The following ADCY2 variants were observed in gnomAD, a reference collection of about 807,000 sequenced individuals.
ADCY2 encodes adenylate cyclase 2, also known as adenylate cyclase type 2.
In ADCY2, 31 loss-of-function variants were observed where a neutral mutation model predicts 125.2. The observed-to-expected ratio is 0.25, with a 90% CI of 0.19 to 0.33. The LOEUF (loss-of-function observed/expected upper bound fraction) is 0.33, where lower values mean the gene tolerates loss of function less well. ADCY2 is among the 10% of genes least tolerant of loss of function. ADCY2 has a pLI of 1.00. For synonymous variants in ADCY2, 512 were observed against 548.4 expected, an observed-to-expected ratio of 0.93 and a Z score of 0.93; for missense variants, 904 against 1,418.2, an observed-to-expected ratio of 0.64 and a Z score of 5.82.
At chr5:7,740,258 A>T (rs953868247) in intron 14 of ADCY2, among the ~76,000 whole-genome samples, 4 of 151,870 alleles carry the variant, frequency 2.6e-5, no homozygotes, top group Non-Finnish European at 4.4e-5. Flanking sequence ...TTCAGCATTT[A>T]AAAAAAAGAT....
chr5:7,667,238 G>A (rs1366369892), intron 4 of ADCY2, among the ~76,000 whole-genome samples: 4 of 152,064 alleles, frequency 2.6e-5, no homozygotes, highest in East Asian at 1.9e-4. Context: ...TAGGTGTCTC[G>A]GCGGGGATGA....
At chr5:7,538,141 T>C (rs1027208259) in intron 3 of ADCY2, among the ~76,000 whole-genome samples, 4 of 152,202 alleles carry the variant, frequency 2.6e-5, no homozygotes, top group African/African-American at 9.6e-5. Flanking sequence ...CAGATACTGC[T>C]TACTGGTCAG....
intron 3 of ADCY2, among the ~76,000 whole-genome samples, chr5:7,622,438 A>T (rs1054921720): frequency 6.6e-6 from 1 of 152,220 alleles, no homozygotes; most frequent in African/African-American, 2.4e-5. Flanking sequence ...ATTCTATTTG[A>T]CATTAAAGCC....
intron 2 of ADCY2, among the ~76,000 whole-genome samples, chr5:7,486,807 T>C (rs1414952545): frequency 6.6e-6 from 1 of 152,182 alleles, no homozygotes; most frequent in African/African-American, 2.4e-5. Context: ...AGAAGTTTGT[T>C]AGATGTGAGC....
At chr5:7,484,885 C>T (rs940314812) in intron 2 of ADCY2, among the ~76,000 whole-genome samples, 1 of 152,148 alleles carries the variant, frequency 6.6e-6, no homozygotes, top group African/African-American at 2.4e-5. Context: ...CCATAAACTG[C>T]CATCCCATTC....
chr5:7,555,242 A>G (rs1735468370), intron 3 of ADCY2, among the ~76,000 whole-genome samples: 1 of 152,172 alleles, frequency 6.6e-6, no homozygotes, highest in Non-Finnish European at 1.5e-5. Context: ...TGCATCTTGC[A>G]CTCAGTTACC....
chr5:7,602,520 C>T (rs1402689575), intron 3 of ADCY2, among the ~76,000 whole-genome samples: 1 of 152,192 alleles, frequency 6.6e-6, no homozygotes, highest in Admixed American at 6.5e-5. Flanking sequence ...GTTCTACCTA[C>T]AAGAAGTCTC....
intron 2 of ADCY2, among the ~76,000 whole-genome samples, chr5:7,423,490 C>G (rs574691957): frequency 6.6e-6 from 1 of 152,246 alleles, no homozygotes; most frequent in South Asian, 2.1e-4. Flanking sequence ...CTTATGAGAT[C>G]TGATGGTTTT....
chr5:7,777,105 A>C (rs1408398770), intron 18 of ADCY2, among the ~76,000 whole-genome samples: 9 of 151,838 alleles, frequency 5.9e-5, no homozygotes, highest in Non-Finnish European at 1.3e-4. Context: ...GGAAAACCCC[A>C]ACTAATACAT....
At chr5:7,654,297 C>T (rs144493315) in intron 4 of ADCY2, 16 of 370,020 alleles carry the variant, frequency 4.3e-5, no homozygotes, top group East Asian at 2.2e-4. Flanking sequence ...GGTGGGGTGG[C>T]GGGGAGAAGC....
rs770435145 is a variant in ADCY2, at chr5:7,633,443, AG to A, written c.720+7128del. Among the ~76,000 whole-genome samples, 741 of 149,912 alleles carry A rather than the reference AG, an allele frequency of 4.9e-3. 6 individuals carry two copies. Among genetic ancestry groups the A allele is most frequent in the African/African-American group, 0.015 (600 of 41,110 alleles). ...AGAGCAAGACTCCATCTCAAAAAAA[AG>A]AAAAAGAAAAAATATAGACATTTTG... On this transcript the variant is annotated intron_variant, in intron 4 of 24. Coordinates refer to ENST00000338316, the MANE Select transcript of ADCY2 (RefSeq NM_020546.3).
chr5:7,535,289 C>T (rs991229729), intron 3 of ADCY2, among the ~76,000 whole-genome samples: 13 of 152,216 alleles, frequency 8.5e-5, no homozygotes, highest in Middle Eastern at 6.8e-3. Flanking sequence ...GTGATACACC[C>T]GCCTTGGCCT....
At chr5:7,541,175 G>T (rs1335524138) in intron 3 of ADCY2, among the ~76,000 whole-genome samples, 1 of 152,138 alleles carries the variant, frequency 6.6e-6, no homozygotes, top group African/African-American at 2.4e-5. Context: ...GTTTCATGGG[G>T]TCTTAAAAGA....
intron 11 of ADCY2, among the ~76,000 whole-genome samples, chr5:7,715,339 A>G (rs1049313444): frequency 2.0e-5 from 3 of 152,212 alleles, no homozygotes; most frequent in African/African-American, 7.2e-5. Flanking sequence ...GCACTGGACA[A>G]AATATCGAAG....
rs115091001 is a variant in ADCY2 at position 7,815,199 on chromosome 5, G to A, written c.2884-1667G>A. ...CCAACCTAAGTATAGTTATTCAATA[G>A]GCATTTATTGAGTTCTTCTTCTTTG... On this transcript the variant is annotated intron_variant, in intron 22 of 24. Transcript: ENST00000338316. 7.3e-3 allele frequency among the ~76,000 whole-genome samples: 1,116 copies of A among 152,310 alleles called. 20 individuals are homozygous for A. Among genetic ancestry groups the A allele is most frequent in the African/African-American group, 0.026 (1,077 of 41,564 alleles).
At chr5:7,640,487 A>G (rs1738660811) in intron 4 of ADCY2, among the ~76,000 whole-genome samples, 1 of 152,182 alleles carries the variant, frequency 6.6e-6, no homozygotes, top group Non-Finnish European at 1.5e-5. Context: ...TGAACATAAA[A>G]TGTGACAAAT....
intron 4 of ADCY2, among the ~76,000 whole-genome samples, chr5:7,663,678 C>T (rs979511324): frequency 3.3e-5 from 5 of 152,238 alleles, no homozygotes; most frequent in African/African-American, 1.2e-4. Context: ...GGAAGACCAG[C>T]CAGAGCCCTC....
intron 22 of ADCY2, among the ~76,000 whole-genome samples, chr5:7,813,142 A>C (rs1157858300): frequency 6.6e-6 from 1 of 152,196 alleles, no homozygotes; most frequent in African/African-American, 2.4e-5. Flanking sequence ...GTCTGATGAG[A>C]TCTCCTAGAA....
intron 3 of ADCY2, among the ~76,000 whole-genome samples, chr5:7,528,222 T>C (rs1734535749): frequency 6.6e-6 from 1 of 152,200 alleles, no homozygotes; most frequent in South Asian, 2.1e-4. Context: ...CCTGCTTTCC[T>C]TTCTCCTCCC....
Sources: allele counts gnomAD v4.1 joint callset (sites outside exome capture counted in the v4.1 genomes callset), GRCh38; gene constraint gnomAD v4.1.1; transcripts MANE v1.5; gene names NCBI Gene and HGNC (gene_info 2026-07-23, HGNC 2026-07-21).